The following BCKDHB variants were observed in gnomAD, a reference collection of about 807,000 sequenced individuals.
The protein encoded by BCKDHB is branched chain keto acid dehydrogenase E1 subunit beta.
In BCKDHB, 41 loss-of-function variants were observed where a neutral mutation model predicts 48.5. That is an observed-to-expected ratio of 0.85 (90% CI 0.66 to 1.10). BCKDHB has a LOEUF of 1.10. BCKDHB is among the 50% of genes least tolerant of loss of function. The pLI, the probability that BCKDHB is intolerant of heterozygous loss-of-function variation, is 0.00. For synonymous variants in BCKDHB, 201 were observed against 174.8 expected, an observed-to-expected ratio of 1.15 and a Z score of -1.18; for missense variants, 496 against 494.2, an observed-to-expected ratio of 1.00 and a Z score of -0.03.
At chr6:80,303,479 C>T (rs1311639798) in intron 9 of BCKDHB, among the ~76,000 whole-genome samples, 1 of 151,998 alleles carries the variant, frequency 6.6e-6, no homozygotes, top group Admixed American at 6.6e-5. Flanking sequence ...CTTCAAATGC[C>T]TGGGAACATG....
At chr6:80,299,622 A>C (rs1767466084) in intron 9 of BCKDHB, among the ~76,000 whole-genome samples, 1 of 152,228 alleles carries the variant, frequency 6.6e-6, no homozygotes, top group Non-Finnish European at 1.5e-5. Flanking sequence ...AAGCTTTATA[A>C]GTGAAGGAGA....
intron 4 of BCKDHB, 21 bp from the exon 5 acceptor site, chr6:80,168,854 G>T (rs193196762): frequency 1.2e-6 from 2 of 1,613,766 alleles, no homozygotes; most frequent in Non-Finnish European, 1.7e-6. Flanking sequence ...GCCATGCCCC[G>T]TCTTTCTTTC....
chr6:80,420,956 C>T, the BCKDHB span, among the ~76,000 whole-genome samples: 1 of 152,170 alleles, frequency 6.6e-6, no homozygotes, highest in Non-Finnish European at 1.5e-5. Flanking sequence ...CTGTTCTTCT[C>T]ACCTCTTTCA....
chr6:80,310,255 A>G lies in BCKDHB; in HGVS notation c.1039-33409A>G, dbSNP rs150915182. ...TCTTCTTGATGCTCTTCCTCCTCCA[A>G]CCCAAAGCCCTGCATCAGGCTGGTG... On this transcript the variant is annotated intron_variant, in intron 9 of 9. Coordinates refer to ENST00000320393, the MANE Select transcript of BCKDHB (RefSeq NM_183050.4). Among the ~76,000 whole-genome samples the G allele has an allele frequency of 6.8e-4, 103 of 151,692 alleles. 1 individual carries two copies. The highest frequency in any genetic ancestry group is 2.4e-3 in the African/African-American group (98 of 41,354).
downstream of BCKDHB, among the ~76,000 whole-genome samples, chr6:80,349,361 C>T (rs1770330848): frequency 6.6e-6 from 1 of 151,772 alleles, no homozygotes; most frequent in Non-Finnish European, 1.5e-5. Context: ...GGGCACCGGG[C>T]TAGATTCTTA....
Position 80,309,572 on chromosome 6 carries a change from C to T in BCKDHB, c.1039-34092C>T, listed in dbSNP as rs908498555. Reference sequence around the variant, plus strand: ...AAGAGTAAGTATTCATGTATTTTGGCCTGTGGTTTTTTTTGTTTGTTTGTT... The same window carrying T: ...AAGAGTAAGTATTCATGTATTTTGGTCTGTGGTTTTTTTTGTTTGTTTGTT... On this transcript the variant is annotated intron_variant, in intron 9 of 9. Coordinates refer to ENST00000320393, the MANE Select transcript of BCKDHB (RefSeq NM_183050.4). Among the ~76,000 whole-genome samples the T allele has an allele frequency of 2.6e-5, 4 of 151,790 alleles. 1 individual carries two copies. The highest frequency in any genetic ancestry group is 4.8e-5 in the African/African-American group (2 of 41,282).
chr6:80,355,633 A>G, the BCKDHB span: 3 of 149,144 alleles, frequency 2.0e-5, no homozygotes, highest in South Asian at 4.5e-4. Context: ...CCCTATGTTA[A>G]CAGTAACAAA....
chr6:80,108,752 C>A (rs1041301616), intron 1 of BCKDHB, among the ~76,000 whole-genome samples: 2 of 151,852 alleles, frequency 1.3e-5, no homozygotes, highest in African/African-American at 4.8e-5. Context: ...CCCAGCTACT[C>A]GGGAGGCTGA....
chr6:80,229,576 G>A (rs1775820877), intron 8 of BCKDHB, among the ~76,000 whole-genome samples: 1 of 152,132 alleles, frequency 6.6e-6, no homozygotes, highest in South Asian at 2.1e-4. Context: ...TTATGCTGGA[G>A]AGTCTAAATA....
At chr6:80,353,341 A>T in the BCKDHB span, among the ~76,000 whole-genome samples, 1 of 152,208 alleles carries the variant, frequency 6.6e-6, no homozygotes. Flanking sequence ...TATGATAAAC[A>T]CATGAGTGCA....
intron 8 of BCKDHB, among the ~76,000 whole-genome samples, chr6:80,205,954 C>A (rs1056987986): frequency 6.6e-6 from 1 of 151,776 alleles, no homozygotes; most frequent in African/African-American, 2.4e-5. Flanking sequence ...TTGGTCTCAA[C>A]CAGGTGTGTA....
intron 4 of BCKDHB, 112 bp downstream of exon 4, chr6:80,167,923 A>C (rs1160663127): frequency 1.1e-5 from 12 of 1,069,524 alleles, no homozygotes; most frequent in Non-Finnish European, 1.7e-5. Flanking sequence ...TCCTTTTACT[A>C]ATGTATTACA....
chr6:80,452,275 CT>C, the BCKDHB span, among the ~76,000 whole-genome samples: 1 of 152,194 alleles, frequency 6.6e-6, no homozygotes, highest in African/African-American at 2.4e-5. Context: ...ATAGGAGGCC[CT>C]GCAAATCACA....
chr6:80,269,512 C>T (rs952561164), intron 8 of BCKDHB, among the ~76,000 whole-genome samples: 11 of 151,974 alleles, frequency 7.2e-5, no homozygotes, highest in Non-Finnish European at 1.6e-4. Context: ...GCTTAGCTTT[C>T]CCTGATGCCA....
rs1770356614 is a variant in BCKDHB, at chr6:80,126,645, G to A, written c.197-902G>A. 2.0e-5 allele frequency among the ~76,000 whole-genome samples: 3 copies of A among 152,214 alleles called. 1 individual carries two copies. Among genetic ancestry groups the A allele is most frequent in the Middle Eastern group, 6.8e-3 (2 of 294 alleles). On this transcript the variant is annotated intron_variant, in intron 1 of 9. Transcript: ENST00000320393. ...GTGGGCCTTTCGATCGGGAGATTTA[G>A]GCTGAAGCCGTTCTGTGCTCTGAAT...
In BCKDHB at chr6:80,168,812, C is replaced by A. The variant is rs115532215; in HGVS notation, c.478-63C>A. On this transcript the variant is annotated intron_variant, in intron 4 of 9. Transcript: ENST00000320393. ...AAGGAAGGGAGGGAGGGAGGAAGAA[C>A]GGAAGGAGATTGGAAGGGAAGGACT... 4,417 of 749,816 alleles carry A rather than the reference C, an allele frequency of 5.9e-3. 119 individuals carry two copies. In the African/African-American group the frequency reaches 0.11, roughly 19 times the overall value. The allele number at this position is 749,816 out of a possible 1,614,324, so 46.4% of individuals were successfully genotyped here.
At chr6:80,340,965 A>G (rs1009419733) in intron 9 of BCKDHB, among the ~76,000 whole-genome samples, 3 of 152,204 alleles carry the variant, frequency 2.0e-5, no homozygotes, top group Non-Finnish European at 4.4e-5. Flanking sequence ...TAATTGACCT[A>G]AGGGTCTTAT....
intron 3 of BCKDHB, among the ~76,000 whole-genome samples, chr6:80,130,446 A>T (rs1770572046): frequency 6.6e-6 from 1 of 151,954 alleles, no homozygotes; most frequent in East Asian, 1.9e-4. Flanking sequence ...GTTCCATCTC[A>T]CTTATTGGGA....
At chr6:80,432,425 T>C in the BCKDHB span, among the ~76,000 whole-genome samples, 1 of 152,136 alleles carries the variant, frequency 6.6e-6, no homozygotes, top group African/African-American at 2.4e-5. Context: ...TTTATTTCAT[T>C]AAGTTGGTCT....
Sources: gnomAD v4.1 joint callset for allele counts (sites outside exome capture counted in the v4.1 genomes callset) on GRCh38, gnomAD v4.1.1 for gene constraint, MANE v1.5 for transcripts, NCBI Gene and HGNC (gene_info 2026-07-23, HGNC 2026-07-21) for gene names.